NRG3: variants seen among roughly 807,000 people sequenced by gnomAD.
NRG3 encodes the protein neuregulin 3.
In NRG3, 31 loss-of-function variants were observed where a neutral mutation model predicts 66.9. The observed-to-expected ratio is 0.46, with a 90% confidence interval of 0.35 to 0.63. The LOEUF (loss-of-function observed/expected upper bound fraction) is 0.63, where lower values mean the gene tolerates loss of function less well. NRG3 is among the 20% of genes least tolerant of loss of function. The pLI is 0.00. For synonymous variants in NRG3, 393 were observed against 359.4 expected, an observed-to-expected ratio of 1.09 and a Z score of -1.06; for missense variants, 910 against 878.9, an observed-to-expected ratio of 1.04 and a Z score of -0.45.
At chr10:82,123,063 A>T (rs191986027) in intron 1 of NRG3, among the ~76,000 whole-genome samples, 192 of 151,800 alleles carry the variant, frequency 1.3e-3, no homozygotes, top group Non-Finnish European at 1.5e-3. Context: ...ATTCACGTGG[A>T]ACTATCTTTA....
chr10:82,895,598 C>T (rs1843587285), intron 4 of NRG3, among the ~76,000 whole-genome samples: 1 of 150,210 alleles, frequency 6.7e-6, no homozygotes, highest in African/African-American at 2.5e-5. Context: ...TCACGCCATT[C>T]TCCTGCCTCA....
intron 2 of NRG3, among the ~76,000 whole-genome samples, chr10:82,416,761 G>A (rs1471019469): frequency 2.0e-5 from 3 of 152,082 alleles, no homozygotes; most frequent in Non-Finnish European, 4.4e-5. Flanking sequence ...CTCTGCCTTT[G>A]CGTAGAGGAT....
chr10:82,256,690 CTTCTAT>C (rs1246130629), intron 1 of NRG3, among the ~76,000 whole-genome samples: 1 of 152,150 alleles, frequency 6.6e-6, no homozygotes. Flanking sequence ...ATATTGATGT[CTTCTAT>C]TTCTATCTTC....
intron 2 of NRG3, among the ~76,000 whole-genome samples, chr10:82,489,699 ATT>A (rs1842945490): frequency 6.6e-6 from 1 of 152,208 alleles, no homozygotes; most frequent in African/African-American, 2.4e-5. Context: ...AACAAATGAC[ATT>A]TATTTCACAC....
chr10:82,587,237 C>T (rs2046729115), intron 2 of NRG3, among the ~76,000 whole-genome samples: 1 of 152,114 alleles, frequency 6.6e-6, no homozygotes, highest in Non-Finnish European at 1.5e-5. Context: ...TAAGGATATT[C>T]ATTAAATTGT....
chr10:82,093,160 C>T (rs2066133163), intron 1 of NRG3, among the ~76,000 whole-genome samples: 1 of 152,176 alleles, frequency 6.6e-6, no homozygotes, highest in Non-Finnish European at 1.5e-5. Context: ...GAGATATTTA[C>T]TGTTATCATC....
At chr10:82,520,181 A>G (rs1344559377) in intron 2 of NRG3, among the ~76,000 whole-genome samples, 2 of 148,926 alleles carry the variant, frequency 1.3e-5, no homozygotes, top group African/African-American at 5.0e-5. Flanking sequence ...GCTTCCATCT[A>G]GTATGAGCCC....
At chr10:82,092,175 C>T (rs1242723192) in intron 1 of NRG3, among the ~76,000 whole-genome samples, 2 of 152,108 alleles carry the variant, frequency 1.3e-5, no homozygotes, top group African/African-American at 4.8e-5. Context: ...CTATTGTTCA[C>T]TTAAAGACAT....
chr10:82,617,170 GACACAC>G (rs2048711006), intron 2 of NRG3, among the ~76,000 whole-genome samples: 1 of 146,674 alleles, frequency 6.8e-6, no homozygotes, highest in East Asian at 2.0e-4. Context: ...ACACCACACA[GACACAC>G]ATACACATAC....
rs142461785 is a variant in NRG3, at chr10:82,102,003, G to GTATA, written c.823+225853_823+225856dup. Among the ~76,000 whole-genome samples the GTATA allele has an allele frequency of 2.9e-3, 374 of 129,224 alleles. 12 individuals carry two copies. In the East Asian group the frequency reaches 0.058, roughly 20 times the overall value. The allele number at this position is 129,224 out of a possible 152,430, so 84.8% of individuals were successfully genotyped here. On this transcript the variant is annotated intron_variant, in intron 1 of 8. Coordinates refer to ENST00000372141, the MANE Select transcript of NRG3 (RefSeq NM_001010848.4). Reference sequence around the variant, plus strand: ...TTTACAGTTCTGTATATATGTGTGCGTATATATATATATATACGCACACAT... The same window carrying GTATA: ...TTTACAGTTCTGTATATATGTGTGCGTATATATATATATATATATACGCACACAT...
At chr10:82,758,639 C>G (rs1038966942) in intron 3 of NRG3, among the ~76,000 whole-genome samples, 2 of 152,012 alleles carry the variant, frequency 1.3e-5, no homozygotes, top group Non-Finnish European at 2.9e-5. Context: ...TTGCCTACCC[C>G]TCACCATCTC....
At chr10:82,585,217 A>G (rs1241260389) in intron 2 of NRG3, among the ~76,000 whole-genome samples, 3 of 152,146 alleles carry the variant, frequency 2.0e-5, no homozygotes, top group East Asian at 1.9e-4. Context: ...TTTCTAATTG[A>G]AAAAGTATTC....
chr10:82,907,948 C>T (rs1844916605), intron 4 of NRG3, among the ~76,000 whole-genome samples: 7 of 152,180 alleles, frequency 4.6e-5, no homozygotes, highest in Admixed American at 4.6e-4. Context: ...ACTTATGAAA[C>T]TTACTAGATA....
At chr10:82,548,035 C>T (rs1169720946) in intron 2 of NRG3, among the ~76,000 whole-genome samples, 1 of 125,284 alleles carries the variant, frequency 8.0e-6, no homozygotes, top group Non-Finnish European at 1.6e-5. Context: ...GTGACTCATG[C>T]CACGTTTTTT....
chr10:82,181,062 T>C (rs1362986590), intron 1 of NRG3, among the ~76,000 whole-genome samples: 1 of 151,794 alleles, frequency 6.6e-6, no homozygotes, highest in Non-Finnish European at 1.5e-5. Context: ...TAATTACTCA[T>C]AGTAATTTAT....
At chr10:82,344,894 A>C (rs2082906975) in intron 1 of NRG3, among the ~76,000 whole-genome samples, 1 of 117,092 alleles carries the variant, frequency 8.5e-6, no homozygotes, top group African/African-American at 5.8e-5. Flanking sequence ...TCCTTCGCCC[A>C]CTTTTTGATG....
intron 1 of NRG3, among the ~76,000 whole-genome samples, chr10:81,959,211 G>T (rs913610136): frequency 6.6e-6 from 1 of 152,166 alleles, no homozygotes; most frequent in African/African-American, 2.4e-5. Flanking sequence ...TTGGCTTGAG[G>T]CCTGTGTTGT....
In NRG3 at chr10:82,710,536, A is replaced by G. The variant is rs570974927; in HGVS notation, c.954-28041A>G. On this transcript the variant is annotated intron_variant, in intron 2 of 8. Coordinates refer to ENST00000372141, the MANE Select transcript of NRG3 (RefSeq NM_001010848.4). The stretch of plus-strand genomic sequence containing the variant: ...AGGAGGAGGAGGTTGCAGTGAGCCG[A>G]GATCGCACGACTGCACTCCAGCCTG... Among the ~76,000 whole-genome samples, 245 of 139,710 alleles carry G rather than the reference A, an allele frequency of 1.8e-3. 2 individuals are homozygous for G. The highest frequency in any genetic ancestry group is 0.011 in the South Asian group (47 of 4,182). The allele number at this position is 139,710 out of a possible 152,430, so 91.7% of individuals were successfully genotyped here. A position where few individuals can be genotyped will look rare whatever the true frequency, so the allele number is the denominator to read the frequency against.
chr10:82,164,895 T>G (rs2071917619), intron 1 of NRG3, among the ~76,000 whole-genome samples: 1 of 152,066 alleles, frequency 6.6e-6, no homozygotes, highest in Non-Finnish European at 1.5e-5. Context: ...AAAGGAGAAG[T>G]TATAGGAGTT....
Sources: gnomAD v4.1 joint callset for allele counts (sites outside exome capture counted in the v4.1 genomes callset) on GRCh38, gnomAD v4.1.1 for gene constraint, MANE v1.5 for transcripts, NCBI Gene and HGNC (gene_info 2026-07-23, HGNC 2026-07-21) for gene names.